Variants in MAP3K4 observed in about 807,000 individuals in gnomAD.
The protein encoded by MAP3K4 is MAP three kinase 1.
MAP3K4 carries 67 observed loss-of-function variants against 185.6 expected under a neutral mutation model. The observed-to-expected ratio is 0.36, with a 90% CI of 0.30 to 0.44. The LOEUF (loss-of-function observed/expected upper bound fraction) is 0.44. Ranked by LOEUF, MAP3K4 falls within the 20% of genes least tolerant of loss-of-function variation. The probability of loss-of-function intolerance (pLI) is 1.00; values close to 1 mark genes in which losing one functional copy is unlikely to be tolerated. For missense variants in MAP3K4, 1,551 were observed against 1,995.1 expected, an observed-to-expected ratio of 0.78 and a Z score of 4.24; for synonymous variants, 702 against 710.4, an observed-to-expected ratio of 0.99 and a Z score of 0.19.
At position 161,059,515 on chromosome 6, in the gene MAP3K4, CTTAT is replaced by C. The variant is rs532666058; in HGVS notation, c.1707+9543_1707+9546del. 2.0e-5 allele frequency among the ~76,000 whole-genome samples: 3 copies of C among 152,180 alleles called. No homozygotes were observed. In the South Asian group the frequency reaches 6.3e-4, roughly 32 times the overall value. ...GGCCATTTGCATGTCTTTTCGTTTG[CTTAT>C]TTATTTTGCTCATTTTCTGTTAGGC... On this transcript the variant is annotated intron_variant, in intron 3 of 26. Coordinates refer to ENST00000392142, the MANE Select transcript of MAP3K4 (RefSeq NM_005922.4).
intron 5 of MAP3K4, among the ~76,000 whole-genome samples, chr6:161,079,813 T>G (rs1785360230): frequency 6.6e-6 from 1 of 152,168 alleles, no homozygotes; most frequent in Non-Finnish European, 1.5e-5. Context: ...GATGGAGGAC[T>G]CAGACACAGT....
rs562797090 is a variant in MAP3K4, at chr6:161,091,633, T to C, written c.3135+93T>C. The C allele has an allele frequency of 1.9e-6, 2 of 1,071,424 alleles. No homozygotes were observed. The highest frequency in any genetic ancestry group is 2.4e-5 in the East Asian group (1 of 41,442). The allele number at this position is 1,071,424 out of a possible 1,614,324, so 66.4% of individuals were successfully genotyped here. Reference sequence around the variant, plus strand: ...GGAACCTTTTACAGTAAATCTGATATTGTAATCATAGCTTAATCAAGAATA... The same window carrying C: ...GGAACCTTTTACAGTAAATCTGATACTGTAATCATAGCTTAATCAAGAATA... On this transcript the variant is annotated intron_variant, in intron 12 of 26. Coordinates refer to ENST00000392142, the MANE Select transcript of MAP3K4 (RefSeq NM_005922.4). This position sits in a 1 kb window ranked among gnomAD's most constrained non-coding sequence, Gnocchi z 5.5.
In MAP3K4 at chr6:161,112,866, C is replaced by T; in HGVS notation, c.4626+92C>T. ...TTATGGATTGATTATTTATTACAAA[C>T]ACTGTGGACACTAAATAGCGAACGA... On this transcript the variant is annotated intron_variant, in intron 25 of 26. Coordinates refer to ENST00000392142, the MANE Select transcript of MAP3K4 (RefSeq NM_005922.4). The surrounding 1 kb of genome is among the most constrained non-coding windows in gnomAD (Gnocchi z 5.1). 6 of 731,612 alleles carry T rather than the reference C, an allele frequency of 8.2e-6. No homozygotes were observed. Among genetic ancestry groups the T allele is most frequent in the Non-Finnish European group, 1.2e-5 (6 of 484,148 alleles). 45.3% of individuals were successfully genotyped at this position (731,612 alleles called of 1,614,324 possible). A position where few individuals can be genotyped will look rare whatever the true frequency, so the allele number is the denominator to read the frequency against.
intron 15 of MAP3K4, among the ~76,000 whole-genome samples, chr6:161,095,442 T>C (rs1368584711): frequency 6.6e-6 from 1 of 152,244 alleles, no homozygotes; most frequent in South Asian, 2.1e-4. Context: ...TTTGTTGTTA[T>C]TGTTGCTTAC....
At chr6:161,009,572 C>T (rs541379767) in intron 1 of MAP3K4, among the ~76,000 whole-genome samples, 1 of 152,240 alleles carries the variant, frequency 6.6e-6, no homozygotes, top group South Asian at 2.1e-4. Context: ...TCAGAGCTTT[C>T]TTCCTTTTTA....
chr6:161,093,404 C>T lies in MAP3K4; in HGVS notation c.3348+348C>T, dbSNP rs1056321121. Among the ~76,000 whole-genome samples, 2 of 152,074 alleles carry T rather than the reference C, an allele frequency of 1.3e-5. No individual in the cohort carries two copies. The highest frequency in any genetic ancestry group is 2.9e-5 in the Non-Finnish European group (2 of 68,020). On this transcript the variant is annotated intron_variant, in intron 14 of 26. Transcript: ENST00000392142. This position sits in a 1 kb window ranked among gnomAD's most constrained non-coding sequence, Gnocchi z 5.2. ...TGCATCATTTTGAGAGCATCATGCT[C>T]GTGTTAAATATTATCACTGTTAGTC...
rs1687519766 is a variant in MAP3K4, at chr6:161,064,858, CAGG to C, written c.1708-5748_1708-5746del. On this transcript the variant is annotated intron_variant, in intron 3 of 26. Coordinates refer to ENST00000392142, the MANE Select transcript of MAP3K4 (RefSeq NM_005922.4). This position sits in a 1 kb window ranked among gnomAD's most constrained non-coding sequence, Gnocchi z 4.3. Reference sequence around the variant, plus strand: ...GCCTACAGGCCGCTCATGCAGAGGTCAGGAAGTGCAGACAGGGAGAGAGGGAGG... The same window carrying C: ...GCCTACAGGCCGCTCATGCAGAGGTCAAGTGCAGACAGGGAGAGAGGGAGG... Among the ~76,000 whole-genome samples the C allele has an allele frequency of 2.0e-5, 3 of 152,142 alleles. No individual in the cohort carries two copies. Among genetic ancestry groups the C allele is most frequent in the Admixed American group, 2.0e-4 (3 of 15,278 alleles).
intron 3 of MAP3K4, among the ~76,000 whole-genome samples, chr6:161,052,138 G>A (rs1784029068): frequency 1.3e-5 from 2 of 152,032 alleles, no homozygotes; most frequent in African/African-American, 2.4e-5. Context: ...TGGACATGTC[G>A]GGCTTCCGTA....
Position 161,048,538 on chromosome 6 carries a change from C to T in MAP3K4, c.344-78C>T. 1 of 899,244 alleles carries T rather than the reference C, an allele frequency of 1.1e-6. No individual in the cohort carries two copies. Among genetic ancestry groups the T allele is most frequent in the Non-Finnish European group, 1.6e-6 (1 of 608,914 alleles). The allele number at this position is 899,244 out of a possible 1,614,324, so 55.7% of individuals were successfully genotyped here. A position where few individuals can be genotyped will look rare whatever the true frequency, so the allele number is the denominator to read the frequency against. ...CTGAAAATATAAATATGTGTGAATACCAGTTTTATTGAAAATATTGAGAGT... is the reference window on the plus strand; with the variant it reads ...CTGAAAATATAAATATGTGTGAATATCAGTTTTATTGAAAATATTGAGAGT... On this transcript the variant is annotated intron_variant, in intron 2 of 26. Transcript: ENST00000392142. The surrounding 1 kb of genome is among the most constrained non-coding windows in gnomAD (Gnocchi z 4.7).
intron 1 of MAP3K4, among the ~76,000 whole-genome samples, chr6:160,995,465 G>T (rs541484705): frequency 6.6e-6 from 1 of 152,334 alleles, no homozygotes; most frequent in African/African-American, 2.4e-5. Context: ...GTGCCATCGT[G>T]GCAGGTGCAG....
Position 161,116,285 on chromosome 6 carries a change from C to T in MAP3K4, c.4807-565C>T, listed in dbSNP as rs1778589168. On this transcript the variant is annotated intron_variant, in intron 26 of 26. Coordinates refer to ENST00000392142, the MANE Select transcript of MAP3K4 (RefSeq NM_005922.4). The surrounding 1 kb of genome is among the most constrained non-coding windows in gnomAD (Gnocchi z 6.2). ...TTGGAGCATCTGCTTGGAGATTTCACATGGGCATTTGGATACCTGGGGCTG... is the reference window on the plus strand; with the variant it reads ...TTGGAGCATCTGCTTGGAGATTTCATATGGGCATTTGGATACCTGGGGCTG... 6.6e-6 allele frequency among the ~76,000 whole-genome samples: 1 copy of T among 151,988 alleles called. No homozygotes were observed. The highest frequency in any genetic ancestry group is 2.4e-5 in the African/African-American group (1 of 41,378).
In MAP3K4 at chr6:161,080,179, C is replaced by T. The variant is rs1487710601; in HGVS notation, c.2098-702C>T. The stretch of plus-strand genomic sequence containing the variant: ...ATATCTCCTACCCCGTCAAGCTATT[C>T]TTTTAAGTAAAGGAGTCCATAGACA... On this transcript the variant is annotated intron_variant, in intron 5 of 26. Coordinates refer to ENST00000392142, the MANE Select transcript of MAP3K4 (RefSeq NM_005922.4). The surrounding 1 kb of genome is among the most constrained non-coding windows in gnomAD (Gnocchi z 4.8). Among the ~76,000 whole-genome samples the T allele has an allele frequency of 6.6e-6, 1 of 152,174 alleles. No homozygotes were observed. Among genetic ancestry groups the T allele is most frequent in the Middle Eastern group, 3.2e-3 (1 of 316 alleles).
chr6:161,006,826 A>C (rs1781605281), intron 1 of MAP3K4, among the ~76,000 whole-genome samples: 2 of 152,214 alleles, frequency 1.3e-5, no homozygotes, highest in South Asian at 2.1e-4. Flanking sequence ...AAGCATACGC[A>C]AATGTAACAT....
chr6:161,110,127 G>A lies in MAP3K4; in HGVS notation c.4396+213G>A, dbSNP rs1393061683. On this transcript the variant is annotated intron_variant, in intron 23 of 26. Transcript: ENST00000392142. This position sits in a 1 kb window ranked among gnomAD's most constrained non-coding sequence, Gnocchi z 4.8. ...GAGTCCGCTCTTTCTGTTCAACACT[G>A]CTTTTAGAGAAATCTGTTTTCCCAA... Among the ~76,000 whole-genome samples the A allele has an allele frequency of 6.6e-6, 1 of 152,148 alleles. No individual in the cohort carries two copies. Among genetic ancestry groups the A allele is most frequent in the African/African-American group, 2.4e-5 (1 of 41,428 alleles).
In MAP3K4 at chr6:160,991,862, C is replaced by T; in HGVS notation, c.-70C>T. The T allele has an allele frequency of 7.0e-6, 10 of 1,419,312 alleles. No individual in the cohort carries two copies. The highest frequency in any genetic ancestry group is 9.1e-6 in the Non-Finnish European group (10 of 1,096,946). The allele number at this position is 1,419,312 out of a possible 1,614,324, so 87.9% of individuals were successfully genotyped here. On this transcript the variant is annotated 5_prime_UTR_variant, in exon 1 of 27. Coordinates refer to ENST00000392142, the MANE Select transcript of MAP3K4 (RefSeq NM_005922.4). The surrounding 1 kb of genome is among the most constrained non-coding windows in gnomAD (Gnocchi z 5.7). ...GCGGAGTCGAGTCACTCCCGCACTTCGGGGCTCCGGTGCCCCGCGCCAGGC... is the reference window on the plus strand; with the variant it reads ...GCGGAGTCGAGTCACTCCCGCACTTTGGGGCTCCGGTGCCCCGCGCCAGGC...
intron 5 of MAP3K4, among the ~76,000 whole-genome samples, chr6:161,078,242 A>G (rs1411308856): frequency 6.6e-6 from 1 of 152,180 alleles, no homozygotes; most frequent in East Asian, 1.9e-4. Context: ...GTGGCTGGTG[A>G]TTATGACTAG....
At position 161,115,032 on chromosome 6, in the gene MAP3K4, A is replaced by T; in HGVS notation, c.4627-91A>T. On this transcript the variant is annotated intron_variant, in intron 25 of 26. Coordinates refer to ENST00000392142, the MANE Select transcript of MAP3K4 (RefSeq NM_005922.4). This position sits in a 1 kb window ranked among gnomAD's most constrained non-coding sequence, Gnocchi z 6.0. ...AATTTGCTGTCCCCTGATATATATTAATGATGAGATGCTTAAAAACAGACT... is the reference window on the plus strand; with the variant it reads ...AATTTGCTGTCCCCTGATATATATTTATGATGAGATGCTTAAAAACAGACT... 1.7e-6 allele frequency: 2 copies of T among 1,173,360 alleles called. No individual in the cohort carries two copies. The highest frequency in any genetic ancestry group is 2.4e-6 in the Non-Finnish European group (2 of 820,692). The allele number at this position is 1,173,360 out of a possible 1,614,324, so 72.7% of individuals were successfully genotyped here. A position where few individuals can be genotyped will look rare whatever the true frequency, so the allele number is the denominator to read the frequency against.
chr6:161,028,674 C>A (rs1393189178), intron 1 of MAP3K4, among the ~76,000 whole-genome samples: 1 of 150,530 alleles, frequency 6.6e-6, no homozygotes, highest in Non-Finnish European at 1.5e-5. Flanking sequence ...TTTTTTAAAT[C>A]TACATTTGTT....
Position 161,102,892 on chromosome 6 carries a change from T to A in MAP3K4, c.3856+113T>A, listed in dbSNP as rs1029726493. ...TTAGCTTCTGAATTATTAGGCCTCC[T>A]CCATTACTATTTTGTGATCTCACAG... is the stretch of plus-strand genomic sequence containing the variant. On this transcript the variant is annotated intron_variant, in intron 19 of 26. Coordinates refer to ENST00000392142, the MANE Select transcript of MAP3K4 (RefSeq NM_005922.4). The A allele has an allele frequency of 3.2e-5, 20 of 633,432 alleles. No individual in the cohort carries two copies. In the African/African-American group the frequency reaches 3.5e-4, roughly 11 times the overall value. The allele number at this position is 633,432 out of a possible 1,614,324, so 39.2% of individuals were successfully genotyped here. A position where few individuals can be genotyped will look rare whatever the true frequency, so the allele number is the denominator to read the frequency against.
Sources: allele counts gnomAD v4.1 joint callset (sites outside exome capture counted in the v4.1 genomes callset), GRCh38; gene constraint gnomAD v4.1.1; non-coding constraint Gnocchi (gnomAD v3.1); transcripts MANE v1.5; gene names NCBI Gene and HGNC (gene_info 2026-07-23, HGNC 2026-07-21).